Variants in PKN2 observed in about 807,000 individuals in gnomAD.
PKN2 encodes the protein protein kinase N2.
Under a neutral mutation model 119.1 loss-of-function variants are expected in PKN2, and 38 were observed. The ratio of observed to expected loss-of-function variants is 0.32; its 90% CI spans 0.25 to 0.42. The LOEUF is 0.42. Among genes scored for constraint, PKN2 ranks in the 10% least tolerant of loss-of-function variants. The pLI is 1.00. For synonymous variants in PKN2, 390 were observed against 384.9 expected (o/e 1.01, Z -0.15); for missense variants, 850 against 1,165.1 (o/e 0.73, Z 3.94).
At chr1:88,793,123 AT>A (rs758811828) in intron 8 of PKN2, among the ~76,000 whole-genome samples, 6 of 152,210 alleles carry the variant, frequency 3.9e-5, no homozygotes, top group Admixed American at 6.5e-5. Context: ...AGTTAATTTT[AT>A]GCAGTTATGA....
At chr1:88,829,591 A>G (rs1475208229) in intron 19 of PKN2, among the ~76,000 whole-genome samples, 1 of 152,200 alleles carries the variant, frequency 6.6e-6, no homozygotes, top group Non-Finnish European at 1.5e-5. Flanking sequence ...TGTTAAGGCA[A>G]TAATAGGAGA....
At chr1:88,781,225 C>A (rs185646715) in intron 6 of PKN2, 1 of 1,086,180 alleles carries the variant, frequency 9.2e-7, no homozygotes. Context: ...GTCTCATACT[C>A]CAGTTTCTTT....
At chr1:88,763,201 A>G (rs1669515760) in intron 3 of PKN2, among the ~76,000 whole-genome samples, 1 of 152,202 alleles carries the variant, frequency 6.6e-6, no homozygotes. Flanking sequence ...GTTATATGGT[A>G]TTTGCACAGA....
rs1360663023 is a variant in PKN2 at position 88,725,325 on chromosome 1, A to T, written c.49-15663A>T. Reference sequence around the variant, plus strand: ...TGTTTAAATTTATAAGACAATGCCAAACTGTTTTTCAGAGTGGCTATACCA... The same window carrying T: ...TGTTTAAATTTATAAGACAATGCCATACTGTTTTTCAGAGTGGCTATACCA... On this transcript the variant is annotated intron_variant, in intron 1 of 21. Coordinates refer to ENST00000370521, the MANE Select transcript of PKN2 (RefSeq NM_006256.4). 2.6e-5 allele frequency among the ~76,000 whole-genome samples: 4 copies of T among 152,206 alleles called. No homozygotes were observed. In the South Asian group the frequency reaches 8.3e-4, roughly 32 times the overall value.
chr1:88,778,531 C>T (rs1418788977), intron 6 of PKN2, among the ~76,000 whole-genome samples: 1 of 152,188 alleles, frequency 6.6e-6, no homozygotes, highest in East Asian at 1.9e-4. Flanking sequence ...TATGTAGAAG[C>T]ATTGCAAAGT....
intron 1 of PKN2, among the ~76,000 whole-genome samples, chr1:88,686,314 G>C (rs922135635): frequency 6.6e-6 from 1 of 152,028 alleles, no homozygotes; most frequent in East Asian, 1.9e-4. Context: ...ATTGGTACTT[G>C]TATGTTATAG....
intron 8 of PKN2, among the ~76,000 whole-genome samples, chr1:88,800,393 A>T (rs1411898452): frequency 6.6e-6 from 1 of 152,198 alleles, no homozygotes. Flanking sequence ...TACACTATAT[A>T]ACTTCCCACA....
intron 1 of PKN2, among the ~76,000 whole-genome samples, chr1:88,734,800 A>G (rs1210115170): frequency 2.0e-5 from 3 of 152,140 alleles, no homozygotes; most frequent in Admixed American, 6.5e-5. Flanking sequence ...AAGCTTATGA[A>G]AAAAATCTTA....
At chr1:88,776,802 A>T (rs1670128523) in intron 6 of PKN2, among the ~76,000 whole-genome samples, 1 of 151,154 alleles carries the variant, frequency 6.6e-6, no homozygotes, top group South Asian at 2.1e-4. Context: ...TGAGAAATCC[A>T]CTGTTAATGT....
intron 3 of PKN2, among the ~76,000 whole-genome samples, chr1:88,761,612 TA>T (rs368283566): frequency 0.046 from 4,675 of 102,020 alleles, 228 homozygotes; most frequent in African/African-American, 0.15. Flanking sequence ...CCTGTCTCTT[TA>T]AAAAAAAAAA....
intron 1 of PKN2, among the ~76,000 whole-genome samples, chr1:88,694,983 C>T (rs963274205): frequency 9.2e-5 from 14 of 152,138 alleles, no homozygotes; most frequent in Middle Eastern, 3.4e-3. Flanking sequence ...AAAAATTAGC[C>T]GGGCGTGGTG....
chr1:88,807,238 C>A, intron 12 of PKN2, 75 bp from the exon 13 acceptor site: 2 of 977,348 alleles, frequency 2.0e-6, no homozygotes, highest in Non-Finnish European at 2.9e-6. Context: ...AAATGTTTTT[C>A]CTTAATTTTA....
intron 6 of PKN2, among the ~76,000 whole-genome samples, chr1:88,781,820 A>G (rs533325826): frequency 6.6e-6 from 1 of 152,292 alleles, no homozygotes; most frequent in South Asian, 2.1e-4. Context: ...GAAGTTAGCT[A>G]AATTTGCCAG....
At chr1:88,752,941 G>A (rs943772734) in intron 2 of PKN2, among the ~76,000 whole-genome samples, 1 of 151,744 alleles carries the variant, frequency 6.6e-6, no homozygotes, top group Non-Finnish European at 1.5e-5. Flanking sequence ...ATCTTATTTT[G>A]TGCCTTTAAT....
chr1:88,793,991 A>T (rs577157177), intron 8 of PKN2, among the ~76,000 whole-genome samples: 24 of 152,304 alleles, frequency 1.6e-4, no homozygotes, highest in Middle Eastern at 3.4e-3. Flanking sequence ...CACTATTTAA[A>T]CTTCTTTGAA....
intron 18 of PKN2, among the ~76,000 whole-genome samples, chr1:88,826,898 T>C (rs909024374): frequency 3.3e-5 from 5 of 152,174 alleles, no homozygotes; most frequent in Admixed American, 3.3e-4. Context: ...ATTAATACTA[T>C]ATCACTGTTT....
rs972751780 is a variant in PKN2 at position 88,705,182 on chromosome 1, G to A, written c.48+20554G>A. The stretch of plus-strand genomic sequence containing the variant: ...TCCAGGAGCAGAAGTTCTTAATTCT[G>A]ATGGATCCAGTTTATCAACATTTTT... On this transcript the variant is annotated intron_variant, in intron 1 of 21. Transcript: ENST00000370521. Among the ~76,000 whole-genome samples the A allele has an allele frequency of 1.1e-4, 17 of 149,986 alleles. 1 individual carries two copies. Among genetic ancestry groups the A allele is most frequent in the Admixed American group, 9.3e-4 (14 of 15,060 alleles).
intron 1 of PKN2, among the ~76,000 whole-genome samples, chr1:88,737,292 T>C (rs1289667846): frequency 1.3e-5 from 2 of 152,146 alleles, no homozygotes; most frequent in Non-Finnish European, 2.9e-5. Context: ...ACTGAGGCCA[T>C]GTCTCTCTGC....
chr1:88,684,932 C>T (rs1304375390), intron 1 of PKN2: 5 of 325,658 alleles, frequency 1.5e-5, no homozygotes, highest in African/African-American at 2.1e-5. Flanking sequence ...CCGGAGAGGC[C>T]GGCCCGTCGC....
Sources: gnomAD v4.1 joint callset for allele counts (sites outside exome capture counted in the v4.1 genomes callset) on GRCh38, gnomAD v4.1.1 for gene constraint, MANE v1.5 for transcripts, NCBI Gene and HGNC (gene_info 2026-07-23, HGNC 2026-07-21) for gene names.